The following TRHDE variants were observed in gnomAD, a reference collection of about 807,000 sequenced individuals.
TRHDE encodes thyrotropin releasing hormone degrading enzyme.
A neutral mutation model predicts 125.7 loss-of-function variants in TRHDE; 72 were observed. That is an observed-to-expected ratio of 0.57 (90% confidence interval 0.47 to 0.70). TRHDE has a LOEUF of 0.70. TRHDE is among the 30% of genes least tolerant of loss of function. The pLI is 0.00. For synonymous variants in TRHDE, 509 were observed against 509.1 expected (o/e 1.00, Z 0.00); for missense variants, 1,110 against 1,327.1 (o/e 0.84, Z 2.54).
Position 72,272,851 on chromosome 12 carries a change from G to C in TRHDE, c.208G>C (p.Val70Leu). ...LSDPWADSVGVRPRTTERHIA... is the reference protein window; with the variant it reads ...LSDPWADSVGLRPRTTERHIA... ...CGACCCGTGGGCAGACTCAGTGGGA[G>C]TGCGACCCCGCACCACGGAGCGCCA... The change falls in exon 1 of 19, where the codon GTG (valine) becomes CTG (leucine). Residue 70 changes from valine to leucine, a missense_variant. Transcript: ENST00000261180. The surrounding 1 kb of genome is among the most constrained non-coding windows in gnomAD (Gnocchi z 6.7). 2 of 1,582,654 alleles carry C rather than the reference G, an allele frequency of 1.3e-6. No individual in the cohort carries two copies. Among genetic ancestry groups the C allele is most frequent in the South Asian group, 2.3e-5 (2 of 88,114 alleles).
chr12:72,099,524 T>G lies in TRHDE; in HGVS notation n.175-6124T>G, dbSNP rs539779819. ...TTTTTTTTCCCTTAAATACATAACCTGTCAGTTGATTTCATCTTATTATGC... is the reference window on the plus strand; with the variant it reads ...TTTTTTTTCCCTTAAATACATAACCGGTCAGTTGATTTCATCTTATTATGC... On this transcript the variant is annotated intron_variant and non_coding_transcript_variant, in intron 1 of 4. Coordinates refer to the TRHDE transcript ENST00000548156. Among the ~76,000 whole-genome samples, 20 of 152,302 alleles carry G rather than the reference T, an allele frequency of 1.3e-4. No individual in the cohort carries two copies. The South Asian group carries it at 4.1e-3, about 32-fold the overall frequency.
intron 2 of TRHDE, among the ~76,000 whole-genome samples, chr12:72,373,899 C>G (rs1199476981): frequency 6.6e-6 from 1 of 152,152 alleles, no homozygotes; most frequent in Non-Finnish European, 1.5e-5. Flanking sequence ...TTGTAAAAAC[C>G]TTGGCTTCTA....
intron 12 of TRHDE, among the ~76,000 whole-genome samples, chr12:72,605,115 A>G (rs1270862949): frequency 1.3e-5 from 2 of 152,102 alleles, no homozygotes; most frequent in Admixed American, 6.5e-5. Context: ...GTAGGTAGCT[A>G]TTAGAAGCAA....
chr12:72,566,239 A>G (rs1352078239), intron 9 of TRHDE, among the ~76,000 whole-genome samples: 5 of 152,012 alleles, frequency 3.3e-5, no homozygotes, highest in African/African-American at 4.8e-5. Flanking sequence ...CTTTGTTACT[A>G]TATGTAGATT....
chr12:72,110,610 T>C (rs1340185336), intron 2 of TRHDE, among the ~76,000 whole-genome samples: 1 of 152,108 alleles, frequency 6.6e-6, no homozygotes, highest in Non-Finnish European at 1.5e-5. Context: ...AATTTTAAAC[T>C]TTATCGAATA....
chr12:72,524,834 C>A (rs937755426), intron 6 of TRHDE, among the ~76,000 whole-genome samples: 2 of 152,112 alleles, frequency 1.3e-5, no homozygotes, highest in Non-Finnish European at 2.9e-5. Flanking sequence ...GGCCCCGCAA[C>A]ACTTTGTCTG....
At chr12:72,489,428 T>G (rs1460780416) in intron 5 of TRHDE, among the ~76,000 whole-genome samples, 2 of 151,806 alleles carry the variant, frequency 1.3e-5, no homozygotes, top group Non-Finnish European at 2.9e-5. Flanking sequence ...CCGAAAGCAA[T>G]GTACAGATTC....
intron 3 of TRHDE, among the ~76,000 whole-genome samples, chr12:72,405,334 C>T (rs922073609): frequency 6.6e-6 from 1 of 152,038 alleles, no homozygotes; most frequent in Non-Finnish European, 1.5e-5. Flanking sequence ...TATTTTTGTT[C>T]ATTTAAATGG....
At chr12:72,653,783 T>A (rs1221426561) in intron 17 of TRHDE, among the ~76,000 whole-genome samples, 1 of 152,148 alleles carries the variant, frequency 6.6e-6, no homozygotes, top group Non-Finnish European at 1.5e-5. Context: ...CTATGGCCTA[T>A]TAAAATTCAA....
chr12:72,610,347 ATTT>A (rs1304901349), intron 12 of TRHDE, among the ~76,000 whole-genome samples: 2 of 152,138 alleles, frequency 1.3e-5, no homozygotes, highest in East Asian at 3.9e-4. Context: ...CTAGGTTTAT[ATTT>A]TTCTCATGTA....
rs554184054 is a variant in TRHDE at position 72,394,441 on chromosome 12, T to C, written c.1315+16320T>C. Among the ~76,000 whole-genome samples, 3 of 152,286 alleles carry C rather than the reference T, an allele frequency of 2.0e-5. No homozygotes were observed. The East Asian group carries it at 5.8e-4, about 29-fold the overall frequency. On this transcript the variant is annotated intron_variant, in intron 3 of 18. Transcript: ENST00000261180. Reference sequence around the variant, plus strand: ...CAGAGAGATGATTAATTCATTATCATCATAATCTCAAACATCCCAGGGCAT... The same window carrying C: ...CAGAGAGATGATTAATTCATTATCACCATAATCTCAAACATCCCAGGGCAT...
chr12:72,315,886 T>C (rs970248533), intron 2 of TRHDE, among the ~76,000 whole-genome samples: 1 of 152,248 alleles, frequency 6.6e-6, no homozygotes, highest in African/African-American at 2.4e-5. Context: ...CTTGGAATTA[T>C]GGTTACTTTA....
chr12:72,183,228 C>T (rs1050798239), intron 2 of TRHDE, among the ~76,000 whole-genome samples: 1 of 152,166 alleles, frequency 6.6e-6, no homozygotes, highest in Non-Finnish European at 1.5e-5. Context: ...GTGTTATGTA[C>T]CCGATAATCT....
chr12:72,155,298 A>AT (rs565797606), intron 2 of TRHDE, among the ~76,000 whole-genome samples: 16 of 151,820 alleles, frequency 1.1e-4, no homozygotes, highest in Admixed American at 7.9e-4. Context: ...CATTCATCTA[A>AT]TTTTTTTTCA....
chr12:72,443,833 G>C (rs565479582), intron 3 of TRHDE, among the ~76,000 whole-genome samples: 23 of 151,828 alleles, frequency 1.5e-4, no homozygotes, highest in Admixed American at 9.2e-4. Flanking sequence ...AGTAGTGCTA[G>C]TGTGACTTAC....
intron 2 of TRHDE, among the ~76,000 whole-genome samples, chr12:72,198,939 G>T (rs1440864865): frequency 6.6e-6 from 1 of 151,816 alleles, no homozygotes; most frequent in Non-Finnish European, 1.5e-5. Flanking sequence ...GCAGGAGAGA[G>T]AGAGAGAGAG....
intron 7 of TRHDE, among the ~76,000 whole-genome samples, chr12:72,548,212 G>C (rs1326444289): frequency 6.6e-6 from 1 of 151,586 alleles, no homozygotes; most frequent in African/African-American, 2.4e-5. Flanking sequence ...TAAATATACT[G>C]CAATTTTGCC....
chr12:72,223,463 A>C (rs1878040449), intron 2 of TRHDE, among the ~76,000 whole-genome samples: 2 of 152,052 alleles, frequency 1.3e-5, no homozygotes, highest in African/African-American at 4.8e-5. Flanking sequence ...CTTTTCCCAT[A>C]ATTGCTCAAG....
intron 6 of TRHDE, among the ~76,000 whole-genome samples, chr12:72,500,902 T>G (rs532418365): frequency 1.3e-5 from 2 of 149,342 alleles, no homozygotes; most frequent in African/African-American, 4.9e-5. Flanking sequence ...CATATGAGTT[T>G]AAGAATGAGT....
Sources: gnomAD v4.1 joint callset for allele counts (sites outside exome capture counted in the v4.1 genomes callset) on GRCh38, gnomAD v4.1.1 for gene constraint, Gnocchi (gnomAD v3.1) non-coding constraint, MANE v1.5 for transcripts, NCBI Gene and HGNC (gene_info 2026-07-23, HGNC 2026-07-21) for gene names.